The following NR2F1-AS1 variants were observed in gnomAD, a reference collection of about 807,000 sequenced individuals.
The protein encoded by NR2F1-AS1 is NR2F1 antisense RNA 1.
intron 4 of NR2F1-AS1, among the ~76,000 whole-genome samples, chr5:93,509,378 TATA>T (rs1444040885): frequency 6.6e-6 from 1 of 152,130 alleles, no homozygotes; most frequent in Non-Finnish European, 1.5e-5. Context: ...ATTAAACACT[TATA>T]ATGTGGCTAG....
chr5:93,564,876 T>C (rs1752580088), intron 1 of NR2F1-AS1, among the ~76,000 whole-genome samples: 1 of 152,192 alleles, frequency 6.6e-6, no homozygotes, highest in Admixed American at 6.5e-5. Flanking sequence ...TATATCTAAA[T>C]GACTTTCCAG....
At chr5:93,491,600 AAAG>A (rs1750851677) in intron 4 of NR2F1-AS1, among the ~76,000 whole-genome samples, 1 of 152,186 alleles carries the variant, frequency 6.6e-6, no homozygotes, top group African/African-American at 2.4e-5. Flanking sequence ...TTAACAAAGG[AAAG>A]AAGATCTGCC....
chr5:93,531,393 T>G (rs917994277), intron 4 of NR2F1-AS1, among the ~76,000 whole-genome samples: 1 of 152,206 alleles, frequency 6.6e-6, no homozygotes, highest in Non-Finnish European at 1.5e-5. Context: ...TTCCCACCTA[T>G]GCGTATCCTC....
At chr5:93,489,336 C>T (rs767098132) in intron 4 of NR2F1-AS1, among the ~76,000 whole-genome samples, 1 of 151,850 alleles carries the variant, frequency 6.6e-6, no homozygotes, top group Non-Finnish European at 1.5e-5. Context: ...AAAGACCCTC[C>T]ACCGGCAAAA....
At chr5:93,460,348 C>T (rs989030714) in intron 4 of NR2F1-AS1, among the ~76,000 whole-genome samples, 3 of 152,162 alleles carry the variant, frequency 2.0e-5, no homozygotes, top group Admixed American at 6.5e-5. Context: ...AAGGCTTAAA[C>T]AAATGGCAGT....
In NR2F1-AS1 at chr5:93,538,247, C is replaced by A. The variant is rs540038412; in HGVS notation, n.638+15514G>T. ...CAGCACTTTAGAAGGTTGAGGCAGG[C>A]AGATCCCTTGAGCTCAGGAGTTCAA... On this transcript the variant is annotated intron_variant and non_coding_transcript_variant, in intron 4 of 5. Transcript: ENST00000660523. 3.9e-5 allele frequency among the ~76,000 whole-genome samples: 6 copies of A among 152,228 alleles called. No homozygotes were observed. The South Asian group carries it at 1.0e-3, about 26-fold the overall frequency.
At chr5:93,546,156 T>G (rs1323372485) in intron 4 of NR2F1-AS1, among the ~76,000 whole-genome samples, 1 of 152,190 alleles carries the variant, frequency 6.6e-6, no homozygotes, top group Non-Finnish European at 1.5e-5. Flanking sequence ...AGAAGGTTTG[T>G]AAGGTATCTA....
intron 4 of NR2F1-AS1, among the ~76,000 whole-genome samples, chr5:93,421,082 T>C (rs1749077547): frequency 1.3e-5 from 2 of 152,206 alleles, no homozygotes; most frequent in African/African-American, 2.4e-5. Context: ...TTGAGTGATT[T>C]AAGCTTGACT....
chr5:93,418,525 G>T (rs1461507474), intron 4 of NR2F1-AS1, among the ~76,000 whole-genome samples: 4 of 152,074 alleles, frequency 2.6e-5, no homozygotes, highest in African/African-American at 4.8e-5. Context: ...GGCAGAAGTT[G>T]CAGTAAGCCA....
At chr5:93,464,301 T>C (rs574635553) in intron 4 of NR2F1-AS1, among the ~76,000 whole-genome samples, 7 of 152,342 alleles carry the variant, frequency 4.6e-5, no homozygotes, top group East Asian at 1.9e-4. Flanking sequence ...CCTTCAGCCA[T>C]GATTAACTGT....
chr5:93,458,300 A>C (rs1237856904), intron 4 of NR2F1-AS1, among the ~76,000 whole-genome samples: 1 of 152,200 alleles, frequency 6.6e-6, no homozygotes, highest in Non-Finnish European at 1.5e-5. Flanking sequence ...TCAGTACTTA[A>C]ACTATCATAA....
chr5:93,571,263 C>T (rs1269180055), intron 1 of NR2F1-AS1: 2 of 151,958 alleles, frequency 1.3e-5, no homozygotes, highest in African/African-American at 4.8e-5. Context: ...CGGGGAGCTT[C>T]TAAGCAGGAG....
chr5:93,557,401 A>G (rs1291538446), intron 2 of NR2F1-AS1, among the ~76,000 whole-genome samples: 3 of 152,204 alleles, frequency 2.0e-5, no homozygotes, highest in East Asian at 3.8e-4. Context: ...AAGATATTCC[A>G]AGTTTAATTC....
At chr5:93,581,708 CTCT>C, upstream of NR2F1-AS1, among the ~76,000 whole-genome samples, 1 of 67,518 alleles carries the variant, frequency 1.5e-5, no homozygotes. Flanking sequence ...CTCTCTCTCT[CTCT>C]CTCTCTCTCT....
chr5:93,445,625 A>G (rs1334683906), intron 4 of NR2F1-AS1, among the ~76,000 whole-genome samples: 1 of 152,208 alleles, frequency 6.6e-6, no homozygotes, highest in Non-Finnish European at 1.5e-5. Flanking sequence ...AGAGGTACAA[A>G]GAGGAGCTGG....
intron 4 of NR2F1-AS1, among the ~76,000 whole-genome samples, chr5:93,443,425 G>A (rs925245042): frequency 3.3e-5 from 5 of 152,126 alleles, no homozygotes; most frequent in African/African-American, 7.2e-5. Flanking sequence ...TAGCCGATTC[G>A]TTCAAGTGGA....
chr5:93,446,098 T>C (rs1749699184), intron 4 of NR2F1-AS1, among the ~76,000 whole-genome samples: 1 of 152,166 alleles, frequency 6.6e-6, no homozygotes, highest in African/African-American at 2.4e-5. Flanking sequence ...AATATCATAC[T>C]GAATGGGAAA....
intron 4 of NR2F1-AS1, chr5:93,409,634 T>TG (rs1444231751): frequency 2.0e-5 from 3 of 152,120 alleles, no homozygotes; most frequent in Non-Finnish European, 4.4e-5. Flanking sequence ...AGTTTGGGAG[T>TG]GGGGCGATTC....
At chr5:93,442,048 CT>C (rs1426784526) in intron 4 of NR2F1-AS1, among the ~76,000 whole-genome samples, 2 of 152,172 alleles carry the variant, frequency 1.3e-5, no homozygotes, top group African/African-American at 4.8e-5. Flanking sequence ...CTCTCTGGCC[CT>C]TTATAGAAAA....
Sources: gnomAD v4.1 joint callset for allele counts (sites outside exome capture counted in the v4.1 genomes callset) on GRCh38, gnomAD v4.1.1 for gene constraint, MANE v1.5 for transcripts, NCBI Gene and HGNC (gene_info 2026-07-23, HGNC 2026-07-21) for gene names.